ABR: variants seen among roughly 807,000 people sequenced by gnomAD.
The protein encoded by ABR is ABR activator of RhoGEF and GTPase.
A neutral mutation model predicts 107.2 loss-of-function variants in ABR; 35 were observed. That is an observed-to-expected ratio of 0.33 (90% CI 0.25 to 0.43). The LOEUF is 0.43. Ranked by LOEUF, ABR falls within the 20% of genes least tolerant of loss-of-function variation. ABR has a pLI of 1.00. For missense variants in ABR, 815 were observed against 1,115.2 expected (o/e 0.73, Z 3.83); for synonymous variants, 498 against 462.0 (o/e 1.08, Z -1.00).
intron 1 of ABR, among the ~76,000 whole-genome samples, chr17:1,173,134 CACATCACCTCAGT>C (rs2041793520): frequency 1.6e-5 from 2 of 123,366 alleles, no homozygotes; most frequent in African/African-American, 6.4e-5. Flanking sequence ...CCACCCCCCA[CACATCACCTCAGT>C]CCACCCCCCA....
chr17:1,143,736 C>T lies in ABR; in HGVS notation c.62-18369G>A, dbSNP rs532380727. Among the ~76,000 whole-genome samples, 163 of 152,208 alleles carry T rather than the reference C, an allele frequency of 1.1e-3. 1 individual carries two copies. Among genetic ancestry groups the T allele is most frequent in the Non-Finnish European group, 2.0e-3 (135 of 67,994 alleles). ...CGTAGCCGCCTGGAGAAGTGGCCGCCTGGAGAAGCTCAGGGCTCCACAGCC... is the reference window on the plus strand; with the variant it reads ...CGTAGCCGCCTGGAGAAGTGGCCGCTTGGAGAAGCTCAGGGCTCCACAGCC... On this transcript the variant is annotated intron_variant, in intron 1 of 22. Coordinates refer to ENST00000302538, the MANE Select transcript of ABR (RefSeq NM_021962.5).
intron 16 of ABR, among the ~76,000 whole-genome samples, chr17:1,040,465 C>T (rs918588147): frequency 8.5e-5 from 13 of 152,246 alleles, no homozygotes; most frequent in African/African-American, 2.7e-4. Flanking sequence ...TCGGGCCAGC[C>T]GGCATTGAGG....
At chr17:1,143,911 G>T (rs2040421402) in intron 1 of ABR, among the ~76,000 whole-genome samples, 1 of 152,076 alleles carries the variant, frequency 6.6e-6, no homozygotes, top group African/African-American at 2.4e-5. Flanking sequence ...AGTATTATCT[G>T]CGCAGTGTTT....
intron 16 of ABR, among the ~76,000 whole-genome samples, chr17:1,045,374 TTCCGTCTTCTTACAGCAGGACAATC>T (rs1163185646): frequency 3.8e-5 from 5 of 130,830 alleles, no homozygotes; most frequent in Admixed American, 8.9e-5. Flanking sequence ...CAGGACAATC[TTCCGTCTTCTTACAGCAGGACAATC>T]TTCCGTCTTC....
chr17:1,103,931 A>AT (rs534321990), intron 2 of ABR, among the ~76,000 whole-genome samples: 51 of 152,264 alleles, frequency 3.3e-4, no homozygotes, highest in African/African-American at 1.1e-3. Flanking sequence ...CCATGAGGAA[A>AT]TTCACATTGT....
chr17:1,224,959 C>T (rs1215967706), intron 1 of ABR, among the ~76,000 whole-genome samples: 2 of 151,872 alleles, frequency 1.3e-5, no homozygotes, highest in Admixed American at 1.3e-4. Flanking sequence ...ATCATCCTGG[C>T]TAACACGGTG....
intron 11 of ABR, among the ~76,000 whole-genome samples, chr17:1,058,322 T>G (rs1324096641): frequency 2.6e-5 from 4 of 152,112 alleles, no homozygotes; most frequent in Admixed American, 2.6e-4. Flanking sequence ...GTGTTTTTAG[T>G]AGAGACAGAG....
intron 1 of ABR, among the ~76,000 whole-genome samples, chr17:1,208,924 A>G (rs1212424391): frequency 6.6e-6 from 1 of 151,430 alleles, no homozygotes; most frequent in Non-Finnish European, 1.5e-5. Flanking sequence ...GTGCCTGCCA[A>G]GTCAGTTAAA....
rs1277248543 is a variant in ABR, at chr17:1,148,291, C to T, written c.62-22924G>A. On this transcript the variant is annotated intron_variant, in intron 1 of 22. Transcript: ENST00000302538. This position sits in a 1 kb window ranked among gnomAD's most constrained non-coding sequence, Gnocchi z 4.9. Reference sequence around the variant, plus strand: ...TTCCGACACAGGCCAATTCTGACATCGATGAACCTTGGGGGCATTAGGCTA... The same window carrying T: ...TTCCGACACAGGCCAATTCTGACATTGATGAACCTTGGGGGCATTAGGCTA... 6.6e-6 allele frequency among the ~76,000 whole-genome samples: 1 copy of T among 152,214 alleles called. No individual in the cohort carries two copies. The highest frequency in any genetic ancestry group is 1.5e-5 in the Non-Finnish European group (1 of 68,040).
At position 1,018,948 on chromosome 17, in the gene ABR, G is replaced by A. The variant is rs964019716; in HGVS notation, c.1792-5784C>T. Reference sequence around the variant, plus strand: ...CCCAGTGCACACCTAGGAAGTCAGAGCTGGGGTTCAAAATCAAGGCCCCCA... The same window carrying A: ...CCCAGTGCACACCTAGGAAGTCAGAACTGGGGTTCAAAATCAAGGCCCCCA... On this transcript the variant is annotated intron_variant, in intron 16 of 22. Transcript: ENST00000302538. Among the ~76,000 whole-genome samples, 4 of 152,234 alleles carry A rather than the reference G, an allele frequency of 2.6e-5. 1 individual carries two copies. The highest frequency in any genetic ancestry group is 3.8e-4 in the East Asian group (2 of 5,206).
At chr17:1,100,790 G>T in intron 2 of ABR, 55 bp from the exon 3 acceptor site, 1 of 1,552,960 alleles carries the variant, frequency 6.4e-7, no homozygotes, top group Non-Finnish European at 8.9e-7. Context: ...CCAAAACCCT[G>T]CGTGGACGGT....
rs553114034 is a variant in ABR, at chr17:1,027,603, G to A, written c.1792-14439C>T. Among the ~76,000 whole-genome samples, 4 of 152,214 alleles carry A rather than the reference G, an allele frequency of 2.6e-5. No individual in the cohort carries two copies. The highest frequency in any genetic ancestry group is 1.9e-4 in the East Asian group (1 of 5,180). ...CTGTGGAAAAGAGGGAGGGTCGCCCGACCCCACTGCCAACCTGTCAGCCAG... is the reference window on the plus strand; with the variant it reads ...CTGTGGAAAAGAGGGAGGGTCGCCCAACCCCACTGCCAACCTGTCAGCCAG... On this transcript the variant is annotated intron_variant, in intron 16 of 22. Transcript: ENST00000302538. The surrounding 1 kb of genome is among the most constrained non-coding windows in gnomAD (Gnocchi z 4.7).
At chr17:1,143,827 G>A (rs149415662) in intron 1 of ABR, among the ~76,000 whole-genome samples, 2 of 152,228 alleles carry the variant, frequency 1.3e-5, no homozygotes, top group African/African-American at 2.4e-5. Context: ...TGTCAGGGTG[G>A]CCAGCAGCCC....
At chr17:1,012,908 C>A in intron 17 of ABR, 111 bp from the exon 18 acceptor site, 1 of 1,082,506 alleles carries the variant, frequency 9.2e-7, no homozygotes, top group South Asian at 1.3e-5. Context: ...CTAGCTCACA[C>A]CCAGGTCTCC....
Position 1,058,727 on chromosome 17 carries a change from AC to A in ABR, c.1305+17del. On this transcript the variant is annotated intron_variant, in intron 11 of 22. Transcript: ENST00000302538. Reference sequence around the variant, plus strand: ...CTAAGGAAGGGGCTGTCTTGGTCCCACCCCCACCCATCCTGACCTTTCCATT... The same window carrying A: ...CTAAGGAAGGGGCTGTCTTGGTCCCACCCCACCCATCCTGACCTTTCCATT... 1 of 1,612,880 alleles carries A rather than the reference AC, an allele frequency of 6.2e-7. No individual in the cohort carries two copies.
In ABR at chr17:1,146,682, A is replaced by AC. The variant is rs1158905356; in HGVS notation, c.62-21316dup. On this transcript the variant is annotated intron_variant, in intron 1 of 22. Transcript: ENST00000302538. ...CCACTGCCACCAGGCCACCACTGCC[A>AC]CACGACACCACTGCCACCATGCCAC... Among the ~76,000 whole-genome samples the AC allele has an allele frequency of 3.4e-4, 48 of 139,238 alleles. 1 individual carries two copies. Among genetic ancestry groups the AC allele is most frequent in the Non-Finnish European group, 5.9e-4 (38 of 64,894 alleles). The allele number at this position is 139,238 out of a possible 152,430, so 91.3% of individuals were successfully genotyped here.
rs183217375 is a variant in ABR at position 1,156,652 on chromosome 17, C to A, written c.61+23015G>T. 9.1e-3 allele frequency among the ~76,000 whole-genome samples: 1,378 copies of A among 151,950 alleles called. 20 individuals are homozygous for A. The highest frequency in any genetic ancestry group is 0.032 in the African/African-American group (1,319 of 41,424). On this transcript the variant is annotated intron_variant, in intron 1 of 22. Transcript: ENST00000302538. ...TGAGTGGAGATCGTGCCACTGCACT[C>A]CAGCCTGGGTGACAGAGAGAGACTC...
At chr17:1,201,629 C>A (rs1403273112) in intron 1 of ABR, among the ~76,000 whole-genome samples, 1 of 152,108 alleles carries the variant, frequency 6.6e-6, no homozygotes, top group Non-Finnish European at 1.5e-5. Flanking sequence ...GCTTTGTTTT[C>A]TGGGGGTGTC....
intron 16 of ABR, among the ~76,000 whole-genome samples, chr17:1,031,348 G>A (rs2020032): frequency 6.6e-6 from 1 of 152,190 alleles, no homozygotes; most frequent in South Asian, 2.1e-4. Flanking sequence ...TCCACCTGCC[G>A]AGAAGAAACC....
Sources: gnomAD v4.1 joint callset for allele counts (sites outside exome capture counted in the v4.1 genomes callset) on GRCh38, gnomAD v4.1.1 for gene constraint, Gnocchi (gnomAD v3.1) non-coding constraint, MANE v1.5 for transcripts, NCBI Gene and HGNC (gene_info 2026-07-23, HGNC 2026-07-21) for gene names.